The following NBN variants were observed in gnomAD, a reference collection of about 807,000 sequenced individuals.
NBN encodes the protein Nijmegen breakage syndrome 1 (nibrin).
A neutral mutation model predicts 90.8 loss-of-function variants in NBN; 88 were observed. That is an observed-to-expected ratio of 0.97 (90% CI 0.82 to 1.16). NBN has a LOEUF of 1.16. Ranked by LOEUF, NBN falls within the 50% of genes most tolerant of loss-of-function variation. The pLI is 0.00. For missense variants in NBN, 894 were observed against 869.6 expected (o/e 1.03, Z -0.35); for synonymous variants, 328 against 295.1 (o/e 1.11, Z -1.14).
intron 11 of NBN, among the ~76,000 whole-genome samples, chr8:89,948,936 C>CA (rs1216581917): frequency 6.6e-6 from 1 of 152,202 alleles, no homozygotes; most frequent in African/African-American, 2.4e-5. Flanking sequence ...TTTTCCAACT[C>CA]AGAGAATCAT....
At chr8:89,970,325 C>T in intron 7 of NBN, 39 bp downstream of exon 7, 2 of 1,503,582 alleles carry the variant, frequency 1.3e-6, no homozygotes, top group Non-Finnish European at 1.8e-6. Context: ...ATAAAATCTC[C>T]TACTTGCAGT....
At chr8:89,955,732 T>A (rs1810683541) in intron 9 of NBN, among the ~76,000 whole-genome samples, 177 bp from the exon 10 acceptor site, 1 of 152,100 alleles carries the variant, frequency 6.6e-6, no homozygotes, top group African/African-American at 2.4e-5. Context: ...TACCTAAGCA[T>A]CCTGTGGAAG....
At chr8:89,938,020 C>T (rs1016068212) in intron 14 of NBN, among the ~76,000 whole-genome samples, 2 of 152,132 alleles carry the variant, frequency 1.3e-5, no homozygotes, top group African/African-American at 2.4e-5. Flanking sequence ...TTTCAAGGAA[C>T]ATGTTCTTCC....
At chr8:89,957,868 G>A (rs187520053) in intron 9 of NBN, among the ~76,000 whole-genome samples, 13 of 152,050 alleles carry the variant, frequency 8.5e-5, no homozygotes, top group Non-Finnish European at 1.5e-4. Context: ...GCGGGCAGAG[G>A]GGGGAATGGT....
chr8:89,971,376 A>G (rs1811513023), intron 5 of NBN, 86 bp from the exon 6 acceptor site: 2 of 1,425,356 alleles, frequency 1.4e-6, no homozygotes, highest in Admixed American at 2.0e-5. Context: ...TGACACTCAA[A>G]AGGCATAATT....
In NBN at chr8:89,984,663, T is replaced by A; in HGVS notation, c.-102A>T. 1 of 1,539,046 alleles carries A rather than the reference T, an allele frequency of 6.5e-7. No homozygotes were observed. Among genetic ancestry groups the A allele is most frequent in the Non-Finnish European group, 8.8e-7 (1 of 1,134,430 alleles). ...TGCGGTCGGCATGGGCTCCGGGACG[T>A]GCGCGCTCCCGGGAGCCACGCAGGC... On this transcript the variant is annotated 5_prime_UTR_variant, in exon 1 of 16. Transcript: ENST00000265433.
At chr8:89,961,615 G>A (rs1383783227) in intron 8 of NBN, among the ~76,000 whole-genome samples, 1 of 152,162 alleles carries the variant, frequency 6.6e-6, no homozygotes, top group African/African-American at 2.4e-5. Flanking sequence ...TTCAAGGTGA[G>A]GAAGTGTGGG....
At chr8:89,966,781 T>G (rs535040430) in intron 7 of NBN, among the ~76,000 whole-genome samples, 1 of 152,172 alleles carries the variant, frequency 6.6e-6, no homozygotes, top group South Asian at 2.1e-4. Context: ...GAGGACTTCA[T>G]GGAAGTTATA....
intron 13 of NBN, among the ~76,000 whole-genome samples, chr8:89,945,139 TA>T (rs1286176761): frequency 6.6e-6 from 1 of 152,126 alleles, no homozygotes; most frequent in East Asian, 1.9e-4. Flanking sequence ...TGTAAAACTA[TA>T]AAAAAAGTCT....
chr8:89,969,972 G>A (rs1811428232), intron 7 of NBN, among the ~76,000 whole-genome samples: 1 of 150,928 alleles, frequency 6.6e-6, no homozygotes, highest in Non-Finnish European at 1.5e-5. Flanking sequence ...AAATAGGCCA[G>A]GCACGGTGGC....
At chr8:89,958,035 G>A (rs529821431) in intron 9 of NBN, among the ~76,000 whole-genome samples, 1 of 152,250 alleles carries the variant, frequency 6.6e-6, no homozygotes, top group East Asian at 1.9e-4. Flanking sequence ...GAGGGTGATG[G>A]GAGACAGTGA....
rs772147514 is a variant in NBN at position 89,955,421 on chromosome 8, G to C, written c.1259C>G (p.Thr420Ser). 1 of 1,613,820 alleles carries C rather than the reference G, an allele frequency of 6.2e-7. No homozygotes were observed. The highest frequency in any genetic ancestry group is 2.2e-5 in the East Asian group (1 of 44,866). Residue 420 changes from threonine (T) to serine (S), a missense_variant, in exon 10 of 16, where the codon ACT (threonine) becomes AGT (serine). Coordinates refer to ENST00000265433, the MANE Select transcript of NBN (RefSeq NM_002485.5). ...SSNNNSMVSN[T>S]LAKMRIPNYQ... ...GTTTGGGATTCTCATCTTAGCCAAA[G>C]TATTTGATACCATACTATTATTATT...
At position 89,946,252 on chromosome 8, in the gene NBN, T is replaced by G; in HGVS notation, c.1958A>C (p.Lys653Thr). The stretch of plus-strand genomic sequence containing the variant: ...TGATCTAAATTCAGTCAATAACAGC[T>G]TTTTTGGAAGCATCTCACTATCATC... Reference protein sequence around the residue: ...LQDDSEMLPKKLLLTEFRSLV... With the variant: ...LQDDSEMLPKTLLLTEFRSLV... Residue 653 changes from lysine (K) to threonine (T), a missense_variant, in exon 13 of 16, where the codon AAG (lysine) becomes ACG (threonine). By Grantham distance (78) the Lys-to-Thr change is moderately conservative (BLOSUM62 -1). Coordinates refer to ENST00000265433, the MANE Select transcript of NBN (RefSeq NM_002485.5). The G allele has an allele frequency of 6.3e-7, 1 of 1,585,804 alleles. No homozygotes were observed. The highest frequency in any genetic ancestry group is 8.7e-7 in the Non-Finnish European group (1 of 1,154,624).
chr8:89,937,786 C>T (rs1266717652), intron 14 of NBN, among the ~76,000 whole-genome samples: 1 of 152,170 alleles, frequency 6.6e-6, no homozygotes, highest in Non-Finnish European at 1.5e-5. Context: ...GCCTCCTCTT[C>T]GTGGACTCTG....
At chr8:89,962,868 C>T (rs1328527603) in intron 8 of NBN, among the ~76,000 whole-genome samples, 1 of 152,144 alleles carries the variant, frequency 6.6e-6, no homozygotes, top group Non-Finnish European at 1.5e-5. Context: ...ATCCCTACAC[C>T]ACCATTTCTC....
Position 89,984,363 on chromosome 8 carries a change from G to A in NBN, c.37+162C>T, listed in dbSNP as rs1293475762. ...CAGCTCACAGCCGCCGTGCTGCCCGGGAAGAATATGCGCTTGCCATACAGC... is the reference window on the plus strand; with the variant it reads ...CAGCTCACAGCCGCCGTGCTGCCCGAGAAGAATATGCGCTTGCCATACAGC... On this transcript the variant is annotated intron_variant, in intron 1 of 15. Coordinates refer to ENST00000265433, the MANE Select transcript of NBN (RefSeq NM_002485.5). 8.5e-6 allele frequency: 6 copies of A among 707,788 alleles called. No homozygotes were observed. The East Asian group carries it at 1.7e-4, about 20-fold the overall frequency. The allele number at this position is 707,788 out of a possible 1,614,324, so 43.8% of individuals were successfully genotyped here. A position where few individuals can be genotyped will look rare whatever the true frequency, so the allele number is the denominator to read the frequency against.
intron 13 of NBN, 144 bp downstream of exon 13, chr8:89,945,996 C>G (rs1414188807): frequency 1.1e-5 from 7 of 625,354 alleles, no homozygotes; most frequent in Non-Finnish European, 1.9e-5. Flanking sequence ...AGTTCATATC[C>G]TTCCTAGAGG....
chr8:89,960,286 T>C (rs552686827), intron 8 of NBN, among the ~76,000 whole-genome samples: 2 of 152,304 alleles, frequency 1.3e-5, no homozygotes, highest in South Asian at 2.1e-4. Flanking sequence ...AAGACACATA[T>C]CTCTAGAATT....
intron 5 of NBN, among the ~76,000 whole-genome samples, chr8:89,974,631 G>A (rs1811669856): frequency 6.6e-6 from 1 of 152,114 alleles, no homozygotes; most frequent in African/African-American, 2.4e-5. Flanking sequence ...GACGTAGAGG[G>A]TACATACAGT....
Sources: gnomAD v4.1 joint callset for allele counts (sites outside exome capture counted in the v4.1 genomes callset) on GRCh38, gnomAD v4.1.1 for gene constraint, MANE v1.5 for transcripts, NCBI Gene and HGNC (gene_info 2026-07-23, HGNC 2026-07-21) for gene names.